Variants in ARHGAP44 observed in about 807,000 individuals in gnomAD.
ARHGAP44 encodes rho GTPase-activating protein 44.
Under a neutral mutation model 106.8 loss-of-function variants are expected in ARHGAP44, and 43 were observed. That is an observed-to-expected ratio of 0.40 (90% CI 0.32 to 0.52). The LOEUF (loss-of-function observed/expected upper bound fraction) is 0.52. Among genes scored for constraint, ARHGAP44 ranks in the 20% least tolerant of loss-of-function variants. The pLI is 0.48. For synonymous variants in ARHGAP44, 439 were observed against 410.3 expected, an observed-to-expected ratio of 1.07 and a Z score of -0.85; for missense variants, 866 against 1,050.5, an observed-to-expected ratio of 0.82 and a Z score of 2.43.
rs1330964856 is a variant in ARHGAP44, at chr17:12,980,170, C to T, written c.1876C>T (p.Pro626Ser). The stretch of plus-strand genomic sequence containing the variant: ...ACCAGGGGCTCAACCTGGAGCTCAG[C>T]CGGGCGCCAGCCCCAGCCCCAGCCA... The part of the protein sequence containing the change: ...TQPGAQPGAQ[P>S]GASPSPSQPP... The change falls in exon 19 of 21, where the codon CCG becomes TCG. Residue 626 changes from proline (P) to serine (S), a missense_variant. Transcript: ENST00000379672. 6.2e-7 allele frequency: 1 copy of T among 1,613,286 alleles called. No individual in the cohort carries two copies. The highest frequency in any genetic ancestry group is 1.7e-5 in the Admixed American group (1 of 60,000).
chr17:12,826,112 A>G (rs975120420), intron 1 of ARHGAP44, among the ~76,000 whole-genome samples: 2 of 152,158 alleles, frequency 1.3e-5, no homozygotes, highest in Non-Finnish European at 2.9e-5. Context: ...GTACGTGTAC[A>G]GGTTTGTTTG....
chr17:12,897,710 CTTTTTTTT>C (rs71980749), intron 3 of ARHGAP44, among the ~76,000 whole-genome samples: 1 of 108,952 alleles, frequency 9.2e-6, no homozygotes, highest in African/African-American at 3.5e-5. Flanking sequence ...TGATCTGTGT[CTTTTTTTT>C]TTTTTTTTTT....
chr17:12,844,606 T>G (rs938134139), intron 1 of ARHGAP44, among the ~76,000 whole-genome samples: 2 of 152,174 alleles, frequency 1.3e-5, no homozygotes, highest in African/African-American at 4.8e-5. Context: ...TCTCTGGTTC[T>G]TTAAGACAGT....
intron 1 of ARHGAP44, among the ~76,000 whole-genome samples, chr17:12,883,713 T>A (rs1186998126): frequency 1.3e-5 from 2 of 152,168 alleles, no homozygotes; most frequent in Non-Finnish European, 2.9e-5. Context: ...ATCATCTTTG[T>A]GACTTCTGAC....
chr17:12,960,476 G>A (rs2039234794), intron 16 of ARHGAP44, among the ~76,000 whole-genome samples: 1 of 151,810 alleles, frequency 6.6e-6, no homozygotes, highest in Non-Finnish European at 1.5e-5. Context: ...TGAGGCAGGA[G>A]AATCACTTGA....
chr17:12,903,056 C>A (rs2037420751), intron 3 of ARHGAP44, among the ~76,000 whole-genome samples: 1 of 128,680 alleles, frequency 7.8e-6, no homozygotes, highest in Admixed American at 8.8e-5. Context: ...GGACAGTAGA[C>A]AAGAATTTTC....
At chr17:12,974,008 C>G (rs1157897576) in intron 17 of ARHGAP44, 81 bp from the exon 18 acceptor site, 2 of 1,408,732 alleles carry the variant, frequency 1.4e-6, no homozygotes, top group African/African-American at 1.4e-5. Context: ...CCAACGCGGA[C>G]CTGCTTGAAT....
At position 12,827,811 on chromosome 17, in the gene ARHGAP44, G is replaced by T. The variant is rs141353330; in HGVS notation, c.53+37920G>T. ...GATGAAGTCTCTTACTGCCAAGATG[G>T]GTGGATCTCTTGAGGTCAGGAGTTC... On this transcript the variant is annotated intron_variant, in intron 1 of 20. Transcript: ENST00000379672. 7.8e-4 allele frequency among the ~76,000 whole-genome samples: 118 copies of T among 151,812 alleles called. 2 individuals are homozygous for T. In the East Asian group the frequency reaches 0.022, roughly 29 times the overall value.
At chr17:12,805,811 T>C (rs1250021516) in intron 1 of ARHGAP44, among the ~76,000 whole-genome samples, 4 of 152,208 alleles carry the variant, frequency 2.6e-5, no homozygotes, top group African/African-American at 9.6e-5. Flanking sequence ...GAAGCAGGAC[T>C]AGGCAGAGGG....
At chr17:12,954,913 G>T (rs11078097) in intron 13 of ARHGAP44, among the ~76,000 whole-genome samples, 47,828 of 151,968 alleles carry the variant, frequency 0.31, 8,084 homozygotes, top group East Asian at 0.6. Flanking sequence ...AGTGTAGTAG[G>T]TTTTAGTGTG....
chr17:12,798,605 T>C lies in ARHGAP44; in HGVS notation c.53+8714T>C, dbSNP rs942612978. 5.3e-5 allele frequency among the ~76,000 whole-genome samples: 8 copies of C among 152,342 alleles called. No homozygotes were observed. In the East Asian group the frequency reaches 1.4e-3, roughly 26 times the overall value. On this transcript the variant is annotated intron_variant, in intron 1 of 20. Coordinates refer to ENST00000379672, the MANE Select transcript of ARHGAP44 (RefSeq NM_014859.6). The stretch of plus-strand genomic sequence containing the variant: ...TGAGCTCTCCTTGCCTTCCTGCAGT[T>C]AATCTTGACTATGGTGTGTTCATAT...
intron 13 of ARHGAP44, among the ~76,000 whole-genome samples, chr17:12,955,413 C>T (rs2039102184): frequency 6.6e-6 from 1 of 152,108 alleles, no homozygotes; most frequent in Non-Finnish European, 1.5e-5. Flanking sequence ...CTGTGTTGGA[C>T]TTTTTCTTTA....
At chr17:12,850,667 C>T (rs770346127) in intron 1 of ARHGAP44, among the ~76,000 whole-genome samples, 11 of 152,276 alleles carry the variant, frequency 7.2e-5, no homozygotes, top group South Asian at 4.2e-4. Flanking sequence ...CCTGATCTCC[C>T]GCTGATGTCC....
At chr17:12,825,451 A>T (rs1022595132) in intron 1 of ARHGAP44, among the ~76,000 whole-genome samples, 1 of 150,970 alleles carries the variant, frequency 6.6e-6, no homozygotes, top group Admixed American at 6.6e-5. Context: ...CATTATAGAG[A>T]GAGAGAGATT....
chr17:12,891,414 C>T (rs2037041778), intron 1 of ARHGAP44, among the ~76,000 whole-genome samples: 1 of 152,150 alleles, frequency 6.6e-6, no homozygotes, highest in Non-Finnish European at 1.5e-5. Flanking sequence ...GTCCTTCTTG[C>T]TACATTGTAA....
chr17:12,984,426 G>C (rs886311604), intron 19 of ARHGAP44, 105 bp from the exon 20 acceptor site: 2 of 1,279,592 alleles, frequency 1.6e-6, no homozygotes, highest in Non-Finnish European at 2.0e-6. Context: ...CGAGGGGCAG[G>C]AGGTGGGGAC....
chr17:12,990,009 CCT>C (rs748302652), intron 20 of ARHGAP44, 21 bp from the exon 21 acceptor site: 29 of 1,593,092 alleles, frequency 1.8e-5, no homozygotes, highest in African/African-American at 1.3e-4. Context: ...CTTTCAACCA[CCT>C]CTCTCTCTGC....
At chr17:12,842,267 A>G (rs2035432825) in intron 1 of ARHGAP44, among the ~76,000 whole-genome samples, 1 of 152,018 alleles carries the variant, frequency 6.6e-6, no homozygotes, top group South Asian at 2.1e-4. Context: ...GTATCAAACA[A>G]TTAGCTGGAT....
intron 1 of ARHGAP44, among the ~76,000 whole-genome samples, chr17:12,823,389 A>G (rs990584170): frequency 2.0e-5 from 3 of 152,036 alleles, no homozygotes; most frequent in Non-Finnish European, 4.4e-5. Context: ...ACTTTCCTCA[A>G]ACTTCTCCAG....
Sources: allele counts gnomAD v4.1 joint callset (sites outside exome capture counted in the v4.1 genomes callset), GRCh38; gene constraint gnomAD v4.1.1; transcripts MANE v1.5; gene names NCBI Gene and HGNC (gene_info 2026-07-23, HGNC 2026-07-21).